The following TPGS1 variants were observed in gnomAD, a reference collection of about 807,000 sequenced individuals.
TPGS1 encodes the protein tubulin polyglutamylase complex subunit 1.
TPGS1 carries 18 observed loss-of-function variants against 11.9 expected under a neutral mutation model. That is an observed-to-expected ratio of 1.51 (90% CI 1.04 to 2.24). The LOEUF (loss-of-function observed/expected upper bound fraction) is 2.24. TPGS1 is among the 30% of genes most tolerant of loss of function. The pLI is 0.00. For missense variants in TPGS1, 500 were observed against 443.0 expected (o/e 1.13, Z -1.16); for synonymous variants, 247 against 218.2 (o/e 1.13, Z -1.16).
chr19:519,016 G>T lies in TPGS1; in HGVS notation c.466G>T (p.Ala156Ser). 2 of 1,564,210 alleles carry T rather than the reference G, an allele frequency of 1.3e-6. No individual in the cohort carries two copies. Among genetic ancestry groups the T allele is most frequent in the Non-Finnish European group, 1.7e-6 (2 of 1,161,916 alleles). ...LLRRICRDGQ[A>S]PEEVVAPLLR... ...CAGGCGCATCTGCCGGGACGGCCAAGCCCCCGAGGAGGTGGTGGCGCCGCT... is the reference window on the plus strand; with the variant it reads ...CAGGCGCATCTGCCGGGACGGCCAATCCCCCGAGGAGGTGGTGGCGCCGCT... Residue 156 changes from alanine (A) to serine (S), a missense_variant, in exon 2 of 2, where the codon GCC becomes TCC. Ala to Ser is a moderately conservative substitution (Grantham distance 99). Transcript: ENST00000359315.
At chr19:518,770 G>A in intron 1 of TPGS1, 119 bp from the exon 2 acceptor site, 2 of 1,127,150 alleles carry the variant, frequency 1.8e-6, no homozygotes, top group Admixed American at 3.6e-5. Context: ...AGGAGGAGAG[G>A]GGAGGCCAGG....
chr19:510,569 A>G (rs1978764841), intron 1 of TPGS1, among the ~76,000 whole-genome samples: 1 of 152,020 alleles, frequency 6.6e-6, no homozygotes. Context: ...AGGGCTGGTG[A>G]TGGCAGCCAC....
At chr19:512,085 G>C (rs1182351225) in intron 1 of TPGS1, among the ~76,000 whole-genome samples, 1 of 152,150 alleles carries the variant, frequency 6.6e-6, no homozygotes, top group African/African-American at 2.4e-5. Context: ...TGGCCAGGCT[G>C]GTCTTGAACT....
In TPGS1 at chr19:514,898, G is replaced by A. The variant is rs375017760; in HGVS notation, c.339-3991G>A. 3.3e-5 allele frequency among the ~76,000 whole-genome samples: 5 copies of A among 152,312 alleles called. No individual in the cohort carries two copies. The South Asian group carries it at 6.2e-4, about 19-fold the overall frequency. ...CCACGGTGCTCCCTGGCCACTCCCTGGTGCCCTCCACGGGAGTGTGTGTCA... is the reference window on the plus strand; with the variant it reads ...CCACGGTGCTCCCTGGCCACTCCCTAGTGCCCTCCACGGGAGTGTGTGTCA... On this transcript the variant is annotated intron_variant, in intron 1 of 1. Coordinates refer to ENST00000359315, the MANE Select transcript of TPGS1 (RefSeq NM_033513.3).
At position 507,573 on chromosome 19, in the gene TPGS1, C is replaced by A; in HGVS notation, c.67C>A (p.Gln23Lys). The A allele has an allele frequency of 7.2e-7, 1 of 1,394,296 alleles. No homozygotes were observed. Among genetic ancestry groups the A allele is most frequent in the South Asian group, 1.6e-5 (1 of 63,120 alleles). The allele number at this position is 1,394,296 out of a possible 1,614,324, so 86.4% of individuals were successfully genotyped here. The change falls in exon 1 of 2, where the codon CAG becomes AAG. Residue 23 changes from glutamine (Q) to lysine (K), a missense_variant. Gln to Lys is a moderately conservative substitution (Grantham distance 53, BLOSUM62 1). Transcript: ENST00000359315. ...PPAGFTDSGR[Q>K]SVSRAAGAAE... is the part of the protein sequence containing the mutation. ...GGCCGGTTTCACGGACAGCGGCCGC[C>A]AGTCGGTATCCCGGGCGGCGGGGGC... is the stretch of plus-strand genomic sequence containing the variant.
At chr19:516,045 AAAGG>A (rs1247808382) in intron 1 of TPGS1, among the ~76,000 whole-genome samples, 2 of 131,112 alleles carry the variant, frequency 1.5e-5, no homozygotes, top group African/African-American at 5.1e-5. Flanking sequence ...AAAAAAAAAA[AAAGG>A]AAGAAAGAAA....
At chr19:511,693 C>T (rs1466053355) in intron 1 of TPGS1, among the ~76,000 whole-genome samples, 1 of 152,264 alleles carries the variant, frequency 6.6e-6, no homozygotes, top group Non-Finnish European at 1.5e-5. Flanking sequence ...ACCAGGGCTG[C>T]CGCCCCCAGA....
chr19:513,737 CATT>C (rs1325240815), intron 1 of TPGS1, among the ~76,000 whole-genome samples: 1 of 150,606 alleles, frequency 6.6e-6, no homozygotes, highest in African/African-American at 2.4e-5. Context: ...ACCAGCCCAG[CATT>C]ACTGAGTACC....
At chr19:512,138 T>C (rs1978815227) in intron 1 of TPGS1, among the ~76,000 whole-genome samples, 2 of 152,124 alleles carry the variant, frequency 1.3e-5, no homozygotes, top group Non-Finnish European at 2.9e-5. Context: ...CCCAAAGTGC[T>C]GGGATTACAG....
chr19:507,834 C>G lies in TPGS1; in HGVS notation c.328C>G (p.His110Asp). The change falls in exon 1 of 2, where the codon CAC (histidine) becomes GAC (aspartate). Residue 110 changes from histidine (H) to aspartate (D), a missense_variant. By Grantham distance (81) the His-to-Asp change is moderately conservative. Transcript: ENST00000359315. ...GCTATGGCACCTTCGCCTGGCCCAC[C>G]ACTCCCAGAGGTGCGCAGTGGGCCG... ...RALWHLRLAH[H>D]SQRAAFNNNV... The G allele has an allele frequency of 7.4e-7, 1 of 1,348,392 alleles. No individual in the cohort carries two copies. Among genetic ancestry groups the G allele is most frequent in the Non-Finnish European group, 9.5e-7 (1 of 1,052,516 alleles). 83.5% of individuals were successfully genotyped at this position (1,348,392 alleles called of 1,614,324 possible).
rs1979080177 is a variant in TPGS1 at position 519,371 on chromosome 19, T to TC, written c.821_822insC (p.Leu275SerfsTer?). 11 of 1,218,936 alleles carry TC rather than the reference T, an allele frequency of 9.0e-6. No individual in the cohort carries two copies. Among genetic ancestry groups the TC allele is most frequent in the Non-Finnish European group, 1.1e-5 (11 of 978,726 alleles). 75.5% of individuals were successfully genotyped at this position (1,218,936 alleles called of 1,614,324 possible). ...AGCGCGCCCATGACCCGCGAGGAGT[T>TC]TCTGGAGAGGGCCGCCGCGCTCTTC... On this transcript the variant is annotated frameshift_variant, in exon 2 of 2. Transcript: ENST00000359315. LOFTEE classifies it high-confidence loss of function.
At chr19:513,349 G>A (rs1462046579) in intron 1 of TPGS1, among the ~76,000 whole-genome samples, 1 of 152,216 alleles carries the variant, frequency 6.6e-6, no homozygotes, top group African/African-American at 2.4e-5. Context: ...GAAAAGGAGC[G>A]TACAGCCAGA....
intron 1 of TPGS1, among the ~76,000 whole-genome samples, chr19:517,247 G>A: frequency 6.7e-6 from 1 of 148,402 alleles, no homozygotes; most frequent in Admixed American, 6.8e-5. Context: ...ACCTGGAGGA[G>A]ACCAGGGAGG....
At position 519,462 on chromosome 19, in the gene TPGS1, G is replaced by T. The variant is rs1979083653; in HGVS notation, c.*39G>T. On this transcript the variant is annotated 3_prime_UTR_variant, in exon 2 of 2. Transcript: ENST00000359315. ...CGCGGATCCGGGATCTGCGCTGGGG[G>T]GTCCCCGCGTGCGGGGCGCGCGGAG... 1.1e-5 allele frequency: 13 copies of T among 1,189,412 alleles called. No individual in the cohort carries two copies. The Admixed American group carries it at 4.9e-4, about 45-fold the overall frequency. The allele number at this position is 1,189,412 out of a possible 1,614,324, so 73.7% of individuals were successfully genotyped here. A position where few individuals can be genotyped will look rare whatever the true frequency, so the allele number is the denominator to read the frequency against.
At chr19:517,700 C>T in intron 1 of TPGS1, among the ~76,000 whole-genome samples, 1 of 18,902 alleles carries the variant, frequency 5.3e-5, no homozygotes, top group Non-Finnish European at 9.7e-5. Context: ...AGGGGGGAGG[C>T]CAGGCTGGGG....
In TPGS1 at chr19:507,683, GC is replaced by G. The variant is rs1978661031; in HGVS notation, c.180del (p.Glu61ArgfsTer20). 4 of 1,378,528 alleles carry G rather than the reference GC, an allele frequency of 2.9e-6. No individual in the cohort carries two copies. Among genetic ancestry groups the G allele is most frequent in the Non-Finnish European group, 2.8e-6 (3 of 1,056,234 alleles). 85.4% of individuals were successfully genotyped at this position (1,378,528 alleles called of 1,614,324 possible). A position where few individuals can be genotyped will look rare whatever the true frequency, so the allele number is the denominator to read the frequency against. On this transcript the variant is annotated frameshift_variant, in exon 1 of 2. Transcript: ENST00000359315. LOFTEE classifies it high-confidence loss of function. Reference sequence around the variant, plus strand: ...CCCTGCTGAAGGTGCTGGAGGCGCGGCCCGAGGAGCCGATCGCCTTCCTGGC... The same window carrying G: ...CCCTGCTGAAGGTGCTGGAGGCGCGGCCGAGGAGCCGATCGCCTTCCTGGC... The part of the protein sequence containing the change: ...AALLKVLEAR[P>X]EEPIAFLAHY...
Position 511,207 on chromosome 19 carries a change from G to A in TPGS1, c.338+3363G>A, listed in dbSNP as rs553276670. On this transcript the variant is annotated intron_variant, in intron 1 of 1. Transcript: ENST00000359315. The stretch of plus-strand genomic sequence containing the variant: ...CAGGCAGAGCTGACGTTCCAGCCCC[G>A]GCCTCCTCCTCCGAGCCCAGAGCTT... 1.3e-3 allele frequency among the ~76,000 whole-genome samples: 201 copies of A among 152,306 alleles called. 1 individual carries two copies. Among genetic ancestry groups the A allele is most frequent in the Non-Finnish European group, 2.4e-3 (165 of 68,026 alleles).
In TPGS1 at chr19:519,336, GCGGCGGC is replaced by G; in HGVS notation, c.788_794del (p.Arg263ProfsTer5). On this transcript the variant is annotated frameshift_variant, in exon 2 of 2. Coordinates refer to ENST00000359315, the MANE Select transcript of TPGS1 (RefSeq NM_033513.3). LOFTEE classifies it high-confidence loss of function. ...TGGCGCTGGACCGCGCCGTCGGGGGGCGGCGGCCCAGCGCGCCCATGACCCGCGAGGA... is the reference window on the plus strand; with the variant it reads ...TGGCGCTGGACCGCGCCGTCGGGGGGCCAGCGCGCCCATGACCCGCGAGGA... The G allele has an allele frequency of 8.4e-7, 1 of 1,196,448 alleles. No homozygotes were observed. The allele number at this position is 1,196,448 out of a possible 1,614,324, so 74.1% of individuals were successfully genotyped here.
At position 512,415 on chromosome 19, in the gene TPGS1, G is replaced by A. The variant is rs1050948092; in HGVS notation, c.338+4571G>A. On this transcript the variant is annotated intron_variant, in intron 1 of 1. Transcript: ENST00000359315. Reference sequence around the variant, plus strand: ...TGGACTCAAGCAATCCTCCTGCCTCGGCCTCCCAAAGTGCTGGGCTCACAG... The same window carrying A: ...TGGACTCAAGCAATCCTCCTGCCTCAGCCTCCCAAAGTGCTGGGCTCACAG... Among the ~76,000 whole-genome samples the A allele has an allele frequency of 3.3e-5, 5 of 152,086 alleles. No homozygotes were observed. The East Asian group carries it at 7.7e-4, about 23-fold the overall frequency.
Sources: gnomAD v4.1 joint callset for allele counts (sites outside exome capture counted in the v4.1 genomes callset) on GRCh38, gnomAD v4.1.1 for gene constraint, MANE v1.5 for transcripts, NCBI Gene and HGNC (gene_info 2026-07-23, HGNC 2026-07-21) for gene names.